The following PRKG1 variants were observed in gnomAD, a reference collection of about 807,000 sequenced individuals.
PRKG1 encodes cGMP-dependent protein kinase 1.
Under a neutral mutation model 88.1 loss-of-function variants are expected in PRKG1, and 35 were observed. That is an observed-to-expected ratio of 0.40 (90% CI 0.30 to 0.53). PRKG1 has a LOEUF of 0.53. Ranked by LOEUF, PRKG1 falls within the 20% of genes least tolerant of loss-of-function variation. The probability of loss-of-function intolerance (pLI) is 0.59; values close to 1 mark genes in which losing one functional copy is unlikely to be tolerated. For missense variants in PRKG1, 540 were observed against 839.8 expected (o/e 0.64, Z 4.41); for synonymous variants, 303 against 292.5 (o/e 1.04, Z -0.37).
chr10:52,156,108 G>T (rs10824158), intron 8 of PRKG1, among the ~76,000 whole-genome samples: 9,934 of 151,778 alleles, frequency 0.065, 556 homozygotes, highest in East Asian at 0.34. Context: ...GATAGACAGG[G>T]GGATATTATT....
intron 3 of PRKG1, among the ~76,000 whole-genome samples, chr10:51,543,873 T>C (rs999440138): frequency 3.9e-5 from 6 of 152,164 alleles, no homozygotes; most frequent in Non-Finnish European, 2.9e-5. Context: ...AGGAAGAGAC[T>C]TAACAGGGAT....
At chr10:51,077,648 T>G (rs74133958) in intron 1 of PRKG1, among the ~76,000 whole-genome samples, 13,472 of 152,164 alleles carry the variant, frequency 0.089, 1,923 homozygotes, top group African/African-American at 0.3. Flanking sequence ...ATGTGGGAAT[T>G]GGAGGGAAGG....
chr10:51,977,583 C>A (rs1335653920), intron 5 of PRKG1, among the ~76,000 whole-genome samples: 1 of 152,088 alleles, frequency 6.6e-6, no homozygotes, highest in African/African-American at 2.4e-5. Context: ...TACATTCCCA[C>A]CAACAGTGTA....
chr10:50,997,463 C>G (rs1842847850), intron 1 of PRKG1, among the ~76,000 whole-genome samples: 1 of 152,144 alleles, frequency 6.6e-6, no homozygotes, highest in African/African-American at 2.4e-5. Context: ...GTATCTTTTT[C>G]CTCTTTCCTG....
intron 3 of PRKG1, among the ~76,000 whole-genome samples, chr10:51,590,482 C>T (rs564011387): frequency 3.3e-5 from 5 of 152,228 alleles, no homozygotes; most frequent in Admixed American, 1.3e-4. Context: ...ATATATTCCC[C>T]AAACATTTAG....
chr10:51,312,374 G>A (rs1469867203), intron 2 of PRKG1, among the ~76,000 whole-genome samples: 1 of 152,168 alleles, frequency 6.6e-6, no homozygotes, highest in Non-Finnish European at 1.5e-5. Context: ...GGAGTTAATA[G>A]TTGTGGCAGA....
intron 5 of PRKG1, among the ~76,000 whole-genome samples, chr10:51,974,613 CTTTTG>C: frequency 6.6e-6 from 1 of 152,204 alleles, no homozygotes; most frequent in African/African-American, 2.4e-5. Context: ...TATGCTAGTT[CTTTTG>C]TTTACCTAAA....
chr10:51,982,916 TG>T lies in PRKG1; in HGVS notation c.763-71566del, dbSNP rs544338219. On this transcript the variant is annotated intron_variant, in intron 5 of 17. Coordinates refer to ENST00000373980, the MANE Select transcript of PRKG1 (RefSeq NM_006258.4). ...AGTCACCTAAGTGGTGGAGGCAGCA[TG>T]GCTCAAGGGGGAGGGCAGGGAGTCC... Among the ~76,000 whole-genome samples, 379 of 152,234 alleles carry T rather than the reference TG, an allele frequency of 2.5e-3. 2 individuals carry two copies. Among genetic ancestry groups the T allele is most frequent in the African/African-American group, 8.5e-3 (352 of 41,550 alleles).
chr10:52,088,913 A>T (rs751773391), intron 7 of PRKG1, among the ~76,000 whole-genome samples: 1 of 152,196 alleles, frequency 6.6e-6, no homozygotes, highest in African/African-American at 2.4e-5. Context: ...ATGCATTACC[A>T]TTCAATCCAT....
At position 51,075,923 on chromosome 10, in the gene PRKG1, A is replaced by G. The variant is rs544099634; in HGVS notation, c.311+1022A>G. ...AAAGAACGGCATTTTAAATTAATAG[A>G]TAATAACGTAATTGATAAAACCAAG... On this transcript the variant is annotated intron_variant, in intron 1 of 17. Coordinates refer to ENST00000373980, the MANE Select transcript of PRKG1 (RefSeq NM_006258.4). Among the ~76,000 whole-genome samples, 31 of 152,328 alleles carry G rather than the reference A, an allele frequency of 2.0e-4. No homozygotes were observed. The South Asian group carries it at 5.4e-3, about 26-fold the overall frequency.
Position 51,617,502 on chromosome 10 carries a change from C to T in PRKG1, c.592+149666C>T, listed in dbSNP as rs187100701. 2.7e-4 allele frequency among the ~76,000 whole-genome samples: 41 copies of T among 152,194 alleles called. 1 individual carries two copies. In the East Asian group the frequency reaches 7.0e-3, roughly 26 times the overall value. On this transcript the variant is annotated intron_variant, in intron 3 of 17. Transcript: ENST00000373980. The stretch of plus-strand genomic sequence containing the variant: ...GGACTGGAGACTGGCTTTCCTAGCC[C>T]ACCACAGCCATCGCCAACACCAGCA...
chr10:51,484,243 G>T (rs1303055187), intron 3 of PRKG1, among the ~76,000 whole-genome samples: 1 of 152,006 alleles, frequency 6.6e-6, no homozygotes, highest in African/African-American at 2.4e-5. Context: ...TATCAAGCCC[G>T]TGTCCCTTTA....
At chr10:51,356,345 A>T (rs541817276) in intron 2 of PRKG1, among the ~76,000 whole-genome samples, 1 of 152,042 alleles carries the variant, frequency 6.6e-6, no homozygotes, top group Non-Finnish European at 1.5e-5. Flanking sequence ...GCTCAGGGAG[A>T]AAAATCTATG....
chr10:51,722,013 AGAGG>A (rs1842024897), intron 3 of PRKG1, among the ~76,000 whole-genome samples: 2 of 152,074 alleles, frequency 1.3e-5, no homozygotes, highest in African/African-American at 4.8e-5. Flanking sequence ...AGGTGGCTCA[AGAGG>A]TCAGGAGTTC....
chr10:51,061,675 T>G, intron 1 of PRKG1, among the ~76,000 whole-genome samples: 1 of 152,192 alleles, frequency 6.6e-6, no homozygotes, highest in African/African-American at 2.4e-5. Context: ...TTCCTTTTCT[T>G]TATTTAATGT....
At chr10:51,824,213 A>G (rs1363497473) in intron 4 of PRKG1, among the ~76,000 whole-genome samples, 2 of 152,144 alleles carry the variant, frequency 1.3e-5, no homozygotes, top group Admixed American at 6.5e-5. Flanking sequence ...TAAATTCCTT[A>G]TAGGTCTTGG....
At chr10:51,773,190 A>G (rs1838349679) in intron 3 of PRKG1, among the ~76,000 whole-genome samples, 1 of 152,012 alleles carries the variant, frequency 6.6e-6, no homozygotes, top group South Asian at 2.1e-4. Context: ...TTTAACCTTG[A>G]TTTATGCTAT....
intron 3 of PRKG1, among the ~76,000 whole-genome samples, chr10:51,776,230 T>C (rs1277384318): frequency 6.6e-6 from 1 of 152,198 alleles, no homozygotes; most frequent in Non-Finnish European, 1.5e-5. Context: ...ACAGTTTAGT[T>C]GTCTATTATA....
intron 5 of PRKG1, among the ~76,000 whole-genome samples, chr10:51,965,315 A>G (rs886400559): frequency 6.6e-6 from 1 of 152,132 alleles, no homozygotes; most frequent in Non-Finnish European, 1.5e-5. Context: ...GCTTTCATTT[A>G]TAAGTGAAAA....
Sources: allele counts gnomAD v4.1 joint callset (sites outside exome capture counted in the v4.1 genomes callset), GRCh38; gene constraint gnomAD v4.1.1; transcripts MANE v1.5; gene names NCBI Gene and HGNC (gene_info 2026-07-23, HGNC 2026-07-21).